Variants in FREM2 observed in about 807,000 individuals in gnomAD.
FREM2 encodes FRAS1-related extracellular matrix protein 2.
A neutral mutation model predicts 219.9 loss-of-function variants in FREM2; 119 were observed. That is an observed-to-expected ratio of 0.54 (90% CI 0.47 to 0.63). FREM2 has a LOEUF of 0.63. Among genes scored for constraint, FREM2 ranks in the 30% least tolerant of loss-of-function variants. The pLI, the probability that FREM2 is intolerant of heterozygous loss-of-function variation, is 0.00. For missense variants in FREM2, 4,030 were observed against 3,993.6 expected (o/e 1.01, Z -0.25); for synonymous variants, 1,562 against 1,522.8 (o/e 1.03, Z -0.60).
rs780296478 is a variant in FREM2, at chr13:38,687,745, G to T, written c.401G>T (p.Gly134Val). 2 of 1,544,058 alleles carry T rather than the reference G, an allele frequency of 1.3e-6. No individual in the cohort carries two copies. The highest frequency in any genetic ancestry group is 2.3e-5 in the East Asian group (1 of 43,996). Reference protein sequence around the residue: ...PKRFPCDFGPGEVRYSHLGAR... With the variant: ...PKRFPCDFGPVEVRYSHLGAR... ...CGCTTCCCGTGCGACTTTGGCCCTG[G>T]CGAGGTGCGCTACTCTCACCTGGGC... The change falls in exon 1 of 24, where the codon GGC becomes GTC. Residue 134 changes from glycine (G) to valine (V), a missense_variant. This residue lies in a region of FREM2 where 3,102 missense variants were observed against 2,950.7 expected (regional missense o/e 1.05). Coordinates refer to ENST00000280481, the MANE Select transcript of FREM2 (RefSeq NM_207361.6).
intron 2 of FREM2, among the ~76,000 whole-genome samples, chr13:38,735,302 A>G (rs1234378219): frequency 6.6e-6 from 1 of 152,188 alleles, no homozygotes; most frequent in Non-Finnish European, 1.5e-5. Flanking sequence ...CATATTGCAA[A>G]TTATAAATGT....
At chr13:38,716,130 C>T (rs1232983749) in intron 2 of FREM2, among the ~76,000 whole-genome samples, 3 of 148,682 alleles carry the variant, frequency 2.0e-5, no homozygotes, top group African/African-American at 5.0e-5. Flanking sequence ...CTGGGATGAA[C>T]GAGCCCCTAA....
chr13:38,810,079 G>T (rs1391358136), intron 6 of FREM2, among the ~76,000 whole-genome samples: 1 of 151,704 alleles, frequency 6.6e-6, no homozygotes, highest in Non-Finnish European at 1.5e-5. Flanking sequence ...AATTTTATTT[G>T]TGGCTATTGT....
At chr13:38,699,128 T>C (rs944908550) in intron 2 of FREM2, among the ~76,000 whole-genome samples, 1 of 152,086 alleles carries the variant, frequency 6.6e-6, no homozygotes, top group African/African-American at 2.4e-5. Flanking sequence ...CTGTAACATA[T>C]ATAAAAATTT....
At chr13:38,843,884 A>T (rs377635918) in intron 6 of FREM2, among the ~76,000 whole-genome samples, 2 of 149,316 alleles carry the variant, frequency 1.3e-5, no homozygotes, top group African/African-American at 5.0e-5. Flanking sequence ...CTAGGTAGTT[A>T]GCAGAGTTTT....
rs1874758692 is a variant in FREM2, at chr13:38,795,988, T to C, written c.6019+11180T>C. 7.3e-5 allele frequency among the ~76,000 whole-genome samples: 11 copies of C among 150,000 alleles called. No homozygotes were observed. The South Asian group carries it at 2.3e-3, about 31-fold the overall frequency. On this transcript the variant is annotated intron_variant, in intron 6 of 23. Transcript: ENST00000280481. Reference sequence around the variant, plus strand: ...TATACACGATAGTTTTCTTTCTTTCTTTCTTTCTTTTTTCTTTCTTTCTTT... The same window carrying C: ...TATACACGATAGTTTTCTTTCTTTCCTTCTTTCTTTTTTCTTTCTTTCTTT...
At position 38,691,911 on chromosome 13, in the gene FREM2, C is replaced by G; in HGVS notation, c.4567C>G (p.Arg1523Gly). ...DGRNPVFRTF[R>G]ISISDVDNKK... ...ACGTAACCCTGTCTTTCGGACATTC[C>G]GTATCTCCATTAGCGATGTGGACAA... The change falls in exon 1 of 24, where the codon CGT (arginine) becomes GGT (glycine). Residue 1523 changes from arginine (R) to glycine (G), a missense_variant. By Grantham distance (125) the Arg-to-Gly change is moderately radical. Around this residue, in one of 2 missense-constraint regions of FREM2, gnomAD observed 3,102 missense variants for 2,950.7 expected, o/e 1.05. Coordinates refer to ENST00000280481, the MANE Select transcript of FREM2 (RefSeq NM_207361.6). The G allele has an allele frequency of 6.2e-7, 1 of 1,614,154 alleles. No individual in the cohort carries two copies. Among genetic ancestry groups the G allele is most frequent in the Non-Finnish European group, 8.5e-7 (1 of 1,180,042 alleles).
intron 3 of FREM2, among the ~76,000 whole-genome samples, chr13:38,765,894 G>A (rs990624385): frequency 1.1e-4 from 16 of 152,014 alleles, no homozygotes; most frequent in Non-Finnish European, 2.1e-4. Flanking sequence ...ATTTAGCCTA[G>A]GATATTCTGA....
intron 1 of FREM2, among the ~76,000 whole-genome samples, chr13:38,693,429 T>A (rs1042928633): frequency 6.6e-6 from 1 of 152,216 alleles, no homozygotes; most frequent in Non-Finnish European, 1.5e-5. Flanking sequence ...GAATTTCCTT[T>A]GTGGGTGGAC....
In FREM2 at chr13:38,848,561, A is replaced by G; in HGVS notation, c.6270A>G (p.Pro2090=). The G allele has an allele frequency of 6.2e-7, 1 of 1,614,088 alleles. No homozygotes were observed. The highest frequency in any genetic ancestry group is 8.5e-7 in the Non-Finnish European group (1 of 1,179,952). ...TCATTCTGGATGACCTTGGACAACC[A>G]GCGCTGGAGGGAATTGAGAAATTTG... The part of the protein sequence containing the change: ...RVVILDDLGQ[P]ALEGIEKFEL... The change falls in exon 8 of 24, where the codon CCA becomes CCG. Residue 2090 remains proline (P), a synonymous_variant. Coordinates refer to ENST00000280481, the MANE Select transcript of FREM2 (RefSeq NM_207361.6).
At chr13:38,838,144 A>G (rs537130814) in intron 6 of FREM2, among the ~76,000 whole-genome samples, 65 of 152,204 alleles carry the variant, frequency 4.3e-4, no homozygotes, top group African/African-American at 1.5e-3. Context: ...AGCTCCGGTA[A>G]GGCAGGCCTG....
At chr13:38,853,820 C>A (rs1877463402) in intron 11 of FREM2, among the ~76,000 whole-genome samples, 1 of 152,140 alleles carries the variant, frequency 6.6e-6, no homozygotes, top group Admixed American at 6.6e-5. Flanking sequence ...CTATAATGAG[C>A]AGATTTTACA....
intron 6 of FREM2, among the ~76,000 whole-genome samples, chr13:38,834,193 A>T (rs11618935): frequency 1.5e-5 from 2 of 136,624 alleles, no homozygotes; most frequent in African/African-American, 5.5e-5. Flanking sequence ...AATAGGCCCC[A>T]GTGTGTGATG....
chr13:38,786,839 A>G (rs772852679), intron 6 of FREM2, among the ~76,000 whole-genome samples: 3 of 152,214 alleles, frequency 2.0e-5, no homozygotes, highest in Non-Finnish European at 2.9e-5. Context: ...CCTATTTTAC[A>G]GATGACAAGA....
chr13:38,865,608 G>A (rs1215216139), intron 16 of FREM2, among the ~76,000 whole-genome samples: 1 of 152,210 alleles, frequency 6.6e-6, no homozygotes, highest in Non-Finnish European at 1.5e-5. Flanking sequence ...ACTAGTATGA[G>A]ATAATCCCAC....
At chr13:38,873,841 C>G (rs1181227920) in intron 17 of FREM2, among the ~76,000 whole-genome samples, 1 of 152,104 alleles carries the variant, frequency 6.6e-6, no homozygotes, top group Non-Finnish European at 1.5e-5. Flanking sequence ...CTCCATGTTT[C>G]ATTTTGAATA....
At chr13:38,713,069 G>T (rs1566114027) in intron 2 of FREM2, among the ~76,000 whole-genome samples, 1 of 151,956 alleles carries the variant, frequency 6.6e-6, no homozygotes, top group Non-Finnish European at 1.5e-5. Flanking sequence ...ACCCTCTTTT[G>T]CATATCTTTT....
rs867875189 is a variant in FREM2 at position 38,884,503 on chromosome 13, A to G, written c.*3716A>G. 6.6e-6 allele frequency: 1 copy of G among 152,186 alleles called. No individual in the cohort carries two copies. Among genetic ancestry groups the G allele is most frequent in the Non-Finnish European group, 1.5e-5 (1 of 68,022 alleles). The allele number at this position is 152,186 out of a possible 1,614,324, so 9.4% of individuals were successfully genotyped here. On this transcript the variant is annotated 3_prime_UTR_variant, in exon 24 of 24. Transcript: ENST00000280481. ...ACTTGGAAGCCAATTTGGTCCTTTAATAAGTAAAGAAAATAATATGTTTAA... is the reference window on the plus strand; with the variant it reads ...ACTTGGAAGCCAATTTGGTCCTTTAGTAAGTAAAGAAAATAATATGTTTAA...
In FREM2 at chr13:38,782,963, T is replaced by C. The variant is rs1015171542; in HGVS notation, c.5642-107T>C. ...TCCCACTATGTTATTCTAAAGAATATTCAAGGGGGAAAAATCAATCATTAG... is the reference window on the plus strand; with the variant it reads ...TCCCACTATGTTATTCTAAAGAATACTCAAGGGGGAAAAATCAATCATTAG... On this transcript the variant is annotated intron_variant, in intron 4 of 23. Coordinates refer to ENST00000280481, the MANE Select transcript of FREM2 (RefSeq NM_207361.6). 1.3e-5 allele frequency: 17 copies of C among 1,347,640 alleles called. No individual in the cohort carries two copies. The African/African-American group carries it at 2.4e-4, about 19-fold the overall frequency. 83.5% of individuals were successfully genotyped at this position (1,347,640 alleles called of 1,614,324 possible).
Sources: gnomAD v4.1 joint callset for allele counts (sites outside exome capture counted in the v4.1 genomes callset) on GRCh38, gnomAD v4.1.1 for gene constraint, gnomAD v4.1.1 regional missense constraint, MANE v1.5 for transcripts, NCBI Gene and HGNC (gene_info 2026-07-23, HGNC 2026-07-21) for gene names.